Variants in DPYD observed in about 807,000 individuals in gnomAD.
The protein encoded by DPYD is dihydropyrimidine dehydrogenase.
Under a neutral mutation model 116.2 loss-of-function variants are expected in DPYD, and 109 were observed. The observed-to-expected ratio is 0.94, with a 90% CI of 0.80 to 1.10. DPYD has a LOEUF of 1.10. Among genes scored for constraint, DPYD ranks in the 50% least tolerant of loss-of-function variants. The probability of loss-of-function intolerance (pLI) is 0.00; values close to 1 mark genes in which losing one functional copy is unlikely to be tolerated. For synonymous variants in DPYD, 440 were observed against 432.0 expected (o/e 1.02, Z -0.23); for missense variants, 1,302 against 1,254.5 (o/e 1.04, Z -0.57).
At chr1:97,225,318 T>TA (rs913380507) in intron 19 of DPYD, among the ~76,000 whole-genome samples, 11 of 152,072 alleles carry the variant, frequency 7.2e-5, no homozygotes, top group African/African-American at 2.4e-4. Flanking sequence ...TATCTCATTG[T>TA]AGTTTTGATT....
At chr1:97,377,297 A>G (rs999954783) in intron 15 of DPYD, among the ~76,000 whole-genome samples, 1 of 152,128 alleles carries the variant, frequency 6.6e-6, no homozygotes, top group African/African-American at 2.4e-5. Context: ...TAAGAGTTTA[A>G]AGAGGAGTGA....
intron 18 of DPYD, among the ~76,000 whole-genome samples, chr1:97,267,838 A>G (rs1296094884): frequency 6.6e-6 from 1 of 152,108 alleles, no homozygotes; most frequent in Non-Finnish European, 1.5e-5. Context: ...TATACAAAAT[A>G]TGTTCATTCC....
chr1:97,610,632 G>A (rs558610103), intron 8 of DPYD, among the ~76,000 whole-genome samples: 5 of 152,058 alleles, frequency 3.3e-5, no homozygotes, highest in African/African-American at 9.6e-5. Context: ...AGCTATCTTC[G>A]TGGACATATG....
Position 97,720,505 on chromosome 1 carries a change from C to T in DPYD, c.483+1005G>A, listed in dbSNP as rs1347909305. ...TCCCAGAATTTATTGCAACAATCCA[C>T]AACCTCGAATTGTTTTTATTTTCTT... On this transcript the variant is annotated intron_variant, in intron 5 of 22. Transcript: ENST00000370192. 3 of 1,002,024 alleles carry T rather than the reference C, an allele frequency of 3.0e-6. No homozygotes were observed. The Admixed American group carries it at 1.8e-4, about 61-fold the overall frequency. 62.1% of individuals were successfully genotyped at this position (1,002,024 alleles called of 1,614,324 possible).
chr1:97,759,600 T>C (rs1299388997), intron 3 of DPYD, among the ~76,000 whole-genome samples: 1 of 152,170 alleles, frequency 6.6e-6, no homozygotes, highest in Non-Finnish European at 1.5e-5. Flanking sequence ...AACCATTCAG[T>C]ACTGGTATTT....
chr1:97,569,624 G>A (rs530942569), intron 11 of DPYD, among the ~76,000 whole-genome samples: 19 of 151,816 alleles, frequency 1.3e-4, no homozygotes, highest in South Asian at 4.2e-4. Context: ...TTAATGTGAC[G>A]TGATATGGAG....
chr1:97,280,532 T>G (rs1236341068), intron 18 of DPYD, among the ~76,000 whole-genome samples: 1 of 152,198 alleles, frequency 6.6e-6, no homozygotes, highest in Non-Finnish European at 1.5e-5. Context: ...AAATGTGGTA[T>G]GTACGCAATG....
At chr1:97,484,506 T>C (rs1678507243) in intron 13 of DPYD, among the ~76,000 whole-genome samples, 2 of 152,336 alleles carry the variant, frequency 1.3e-5, no homozygotes, top group African/African-American at 4.8e-5. Flanking sequence ...CTTTCTTATT[T>C]CATTGTGCCT....
chr1:97,607,734 T>C (rs761073532), intron 8 of DPYD, among the ~76,000 whole-genome samples: 1 of 151,684 alleles, frequency 6.6e-6, no homozygotes, highest in African/African-American at 2.4e-5. Flanking sequence ...AAAAGAGAGG[T>C]ATCAGCTCAA....
chr1:97,890,109 C>T (rs922839910), intron 1 of DPYD, among the ~76,000 whole-genome samples: 8 of 151,752 alleles, frequency 5.3e-5, no homozygotes, highest in Non-Finnish European at 1.2e-4. Context: ...CTCAGGCTGG[C>T]GGATTAGGGA....
At chr1:97,737,124 A>G (rs1664001841) in intron 4 of DPYD, among the ~76,000 whole-genome samples, 1 of 152,048 alleles carries the variant, frequency 6.6e-6, no homozygotes. Flanking sequence ...TATTCCTCCT[A>G]ACTGTAATTC....
chr1:97,494,431 T>G lies in DPYD; in HGVS notation c.1740+21295A>C, dbSNP rs185579481. Among the ~76,000 whole-genome samples, 25 of 152,294 alleles carry G rather than the reference T, an allele frequency of 1.6e-4. No homozygotes were observed. In the East Asian group the frequency reaches 2.5e-3, roughly 15 times the overall value. ...TGATAGCTGGTTCACCTATCTCATT[T>G]TAAAAGGCTTCATAGTGTGTTAGTG... is the stretch of plus-strand genomic sequence containing the variant. On this transcript the variant is annotated intron_variant, in intron 13 of 22. Coordinates refer to ENST00000370192, the MANE Select transcript of DPYD (RefSeq NM_000110.4).
At chr1:97,391,410 T>C (rs568078561) in intron 14 of DPYD, among the ~76,000 whole-genome samples, 1 of 152,140 alleles carries the variant, frequency 6.6e-6, no homozygotes, top group African/African-American at 2.4e-5. Flanking sequence ...GGAATACCTA[T>C]CTTTGTCGCC....
At chr1:97,544,067 TAA>T (rs1268569112) in intron 12 of DPYD, among the ~76,000 whole-genome samples, 1 of 152,106 alleles carries the variant, frequency 6.6e-6, no homozygotes, top group African/African-American at 2.4e-5. Context: ...TGAGTGTGAG[TAA>T]AAGTCATTGA....
chr1:97,729,431 T>A (rs1462517761), intron 4 of DPYD, among the ~76,000 whole-genome samples: 1 of 152,168 alleles, frequency 6.6e-6, no homozygotes, highest in Non-Finnish European at 1.5e-5. Context: ...TACTATACAA[T>A]AGATTCAGTG....
At chr1:97,577,171 G>A (rs2102195883) in intron 10 of DPYD, among the ~76,000 whole-genome samples, 1 of 152,238 alleles carries the variant, frequency 6.6e-6, no homozygotes, top group South Asian at 2.1e-4. Context: ...CTTTGTTATA[G>A]CAGAAGAAAG....
intron 1 of DPYD, among the ~76,000 whole-genome samples, chr1:97,903,843 A>G (rs1174827436): frequency 2.0e-5 from 3 of 152,012 alleles, no homozygotes; most frequent in African/African-American, 7.2e-5. Flanking sequence ...TTAACTGTCC[A>G]AAAATCTGAC....
chr1:97,248,039 C>G (rs1050584045), intron 18 of DPYD, among the ~76,000 whole-genome samples: 12 of 152,090 alleles, frequency 7.9e-5, no homozygotes, highest in Non-Finnish European at 1.0e-4. Flanking sequence ...ATATTGAAAC[C>G]TGACAAATAA....
At chr1:97,354,748 A>G (rs566046018) in intron 16 of DPYD, among the ~76,000 whole-genome samples, 2 of 152,214 alleles carry the variant, frequency 1.3e-5, no homozygotes, top group Non-Finnish European at 2.9e-5. Context: ...CTCACTGCCA[A>G]TGACACGAAA....
Sources: allele counts gnomAD v4.1 joint callset (sites outside exome capture counted in the v4.1 genomes callset), GRCh38; gene constraint gnomAD v4.1.1; transcripts MANE v1.5; gene names NCBI Gene and HGNC (gene_info 2026-07-23, HGNC 2026-07-21).